The following SESTD1 variants were observed in gnomAD, a reference collection of about 807,000 sequenced individuals.
SESTD1 encodes the protein SEC14 domain and spectrin repeat-containing protein 1.
In SESTD1, 43 loss-of-function variants were observed where a neutral mutation model predicts 101.7. The observed-to-expected ratio is 0.42, with a 90% CI of 0.33 to 0.55. The LOEUF is 0.55. SESTD1 is among the 20% of genes least tolerant of loss of function. The probability of loss-of-function intolerance (pLI) is 0.07; values close to 1 mark genes in which losing one functional copy is unlikely to be tolerated. For synonymous variants in SESTD1, 283 were observed against 286.8 expected, an observed-to-expected ratio of 0.99 and a Z score of 0.13; for missense variants, 647 against 815.1, an observed-to-expected ratio of 0.79 and a Z score of 2.51.
intron 1 of SESTD1, among the ~76,000 whole-genome samples, chr2:179,210,143 A>G (rs1248157989): frequency 7.4e-6 from 1 of 134,476 alleles, no homozygotes; most frequent in Non-Finnish European, 1.6e-5. Flanking sequence ...AACCAGGAAG[A>G]AAGAAAAACT....
intron 1 of SESTD1, among the ~76,000 whole-genome samples, chr2:179,199,275 T>C (rs1044171744): frequency 6.6e-6 from 1 of 152,076 alleles, no homozygotes; most frequent in African/African-American, 2.4e-5. Flanking sequence ...AATCTCTGAA[T>C]AGACCAATAA....
At position 179,107,881 on chromosome 2, in the gene SESTD1, T is replaced by C. The variant is rs955628687; in HGVS notation, c.*2018A>G. 1 of 152,078 alleles carries C rather than the reference T, an allele frequency of 6.6e-6. No individual in the cohort carries two copies. The highest frequency in any genetic ancestry group is 6.6e-5 in the Admixed American group (1 of 15,258). 9.4% of individuals were successfully genotyped at this position (152,078 alleles called of 1,614,324 possible). A position where few individuals can be genotyped will look rare whatever the true frequency, so the allele number is the denominator to read the frequency against. ...AAATAATCACAAAAGTTCATACTCA[T>C]AGCAGTAAAGCCCCAAAGGACTGAG... On this transcript the variant is annotated 3_prime_UTR_variant, in exon 18 of 18. Transcript: ENST00000428443.
rs980668072 is a variant in SESTD1 at position 179,109,717 on chromosome 2, G to C, written c.*182C>G. 2 of 666,002 alleles carry C rather than the reference G, an allele frequency of 3.0e-6. No individual in the cohort carries two copies. The highest frequency in any genetic ancestry group is 6.0e-5 in the Admixed American group (2 of 33,192). 41.3% of individuals were successfully genotyped at this position (666,002 alleles called of 1,614,324 possible). A position where few individuals can be genotyped will look rare whatever the true frequency, so the allele number is the denominator to read the frequency against. ...GATACTTGGAATCTACAGCCTCGAA[G>C]CATGTTAAGTAATTATGCCTTGGTA... is the stretch of plus-strand genomic sequence containing the variant. On this transcript the variant is annotated 3_prime_UTR_variant, in exon 18 of 18. Coordinates refer to ENST00000428443, the MANE Select transcript of SESTD1 (RefSeq NM_178123.5).
In SESTD1 at chr2:179,109,895, G is replaced by C. The variant is rs1250918072; in HGVS notation, c.*4C>G. On this transcript the variant is annotated 3_prime_UTR_variant, in exon 18 of 18. Transcript: ENST00000428443. ...ACTGCAAATCTGTAGGTAGCTGGTA[G>C]CTATTAGCTCTCTGTGGTCACCATT... is the stretch of plus-strand genomic sequence containing the variant. 4 of 1,613,372 alleles carry C rather than the reference G, an allele frequency of 2.5e-6. No individual in the cohort carries two copies. The Admixed American group carries it at 6.7e-5, about 27-fold the overall frequency.
At chr2:179,165,015 T>A (rs1253451709) in intron 5 of SESTD1, among the ~76,000 whole-genome samples, 1 of 152,146 alleles carries the variant, frequency 6.6e-6, no homozygotes, top group Non-Finnish European at 1.5e-5. Flanking sequence ...AGAAAAATAA[T>A]TTGCAATTAA....
rs1029303365 is a variant in SESTD1, at chr2:179,112,754, C to T, written c.1931G>A (p.Arg644Lys). 6 of 1,612,824 alleles carry T rather than the reference C, an allele frequency of 3.7e-6. No individual in the cohort carries two copies. The highest frequency in any genetic ancestry group is 1.3e-5 in the African/African-American group (1 of 75,012). ...IEAVGKSLLD[R>K]LTVPVVYPDG... Reference sequence around the variant, plus strand: ...AGGATAAACTACTGGAACAGTTAATCTATCCAAAAGTGATTTCCCAACTGC... The same window carrying T: ...AGGATAAACTACTGGAACAGTTAATTTATCCAAAAGTGATTTCCCAACTGC... The change falls in exon 17 of 18, where the codon AGA becomes AAA. Residue 644 changes from arginine to lysine, a missense_variant. Arg to Lys is a conservative substitution (Grantham distance 26, BLOSUM62 2). Transcript: ENST00000428443.
At chr2:179,195,891 T>C (rs928373829) in intron 1 of SESTD1, among the ~76,000 whole-genome samples, 7 of 150,398 alleles carry the variant, frequency 4.7e-5, no homozygotes, top group Non-Finnish European at 8.9e-5. Context: ...AAATCTCGTA[T>C]GGTAAATTCT....
chr2:179,174,889 C>CA (rs2045984357), intron 4 of SESTD1, among the ~76,000 whole-genome samples: 1 of 148,522 alleles, frequency 6.7e-6, no homozygotes, highest in African/African-American at 2.5e-5. Context: ...CTGGAGGCTT[C>CA]AGTAAGCCAT....
At chr2:179,155,234 A>G (rs542769623) in intron 5 of SESTD1, among the ~76,000 whole-genome samples, 122 of 151,950 alleles carry the variant, frequency 8.0e-4, no homozygotes, top group Non-Finnish European at 6.9e-4. Context: ...TTTTTTTGGG[A>G]TCCACAGAAA....
chr2:179,233,434 T>G (rs1006474656), intron 1 of SESTD1, among the ~76,000 whole-genome samples: 1 of 151,966 alleles, frequency 6.6e-6, no homozygotes, highest in African/African-American at 2.4e-5. Context: ...CAGGAATATG[T>G]CTTCATAGTT....
chr2:179,244,900 C>T (rs1043879747), intron 1 of SESTD1, among the ~76,000 whole-genome samples: 2 of 152,052 alleles, frequency 1.3e-5, no homozygotes, highest in African/African-American at 4.8e-5. Flanking sequence ...GGTAAAGAGC[C>T]ATAAAGGAGG....
chr2:179,229,782 T>TACACAC (rs141203169), intron 1 of SESTD1, among the ~76,000 whole-genome samples: 3,793 of 115,000 alleles, frequency 0.033, 103 homozygotes, highest in African/African-American at 0.062. Flanking sequence ...TATACTCAAA[T>TACACAC]ACACACACAC....
intron 15 of SESTD1, 70 bp downstream of exon 15, chr2:179,116,587 GAAGGTAAAGTT>G (rs1404439027): frequency 6.3e-7 from 1 of 1,599,024 alleles, no homozygotes; most frequent in Non-Finnish European, 8.6e-7. Flanking sequence ...CTTGTACTTG[GAAGGTAAAGTT>G]ACATTATAAT....
intron 1 of SESTD1, among the ~76,000 whole-genome samples, chr2:179,244,688 G>A (rs889190716): frequency 3.3e-5 from 5 of 152,098 alleles, no homozygotes; most frequent in African/African-American, 9.7e-5. Flanking sequence ...TAAATAGAAA[G>A]ATAATGGTAA....
At chr2:179,165,329 T>C (rs1487148578) in intron 5 of SESTD1, among the ~76,000 whole-genome samples, 2 of 152,204 alleles carry the variant, frequency 1.3e-5, no homozygotes, top group African/African-American at 4.8e-5. Context: ...TTCTATTTTA[T>C]CCTCCAAGAT....
At chr2:179,198,267 T>C (rs566443302) in intron 1 of SESTD1, among the ~76,000 whole-genome samples, 73 of 152,284 alleles carry the variant, frequency 4.8e-4, no homozygotes, top group African/African-American at 1.6e-3. Flanking sequence ...TTCCTAAATA[T>C]ATATGCACCC....
chr2:179,148,843 G>A (rs1011603726), intron 7 of SESTD1, among the ~76,000 whole-genome samples: 2 of 151,958 alleles, frequency 1.3e-5, no homozygotes, highest in African/African-American at 4.8e-5. Flanking sequence ...GGCAGATCAC[G>A]AGGTCAGGAG....
At position 179,115,147 on chromosome 2, in the gene SESTD1, A is replaced by G. The variant is rs138591094; in HGVS notation, c.1757T>C (p.Val586Ala). The change falls in exon 16 of 18, where the codon GTA (valine) becomes GCA (alanine). Residue 586 changes from valine to alanine, a missense_variant. This residue lies in a region of SESTD1 where 476 missense variants were observed against 562.6 expected (regional missense o/e 0.85). Transcript: ENST00000428443. The stretch of plus-strand genomic sequence containing the variant: ...AGATGCTATTGTAAATTGTTTCCAT[A>G]CTCTGTTCAGTCGAGGAAGTGTATC... ...SGDTLPRLNR[V>A]WKQFTIASEE... 2.4e-5 allele frequency: 39 copies of G among 1,613,892 alleles called. No homozygotes were observed. In the African/African-American group the frequency reaches 4.9e-4, roughly 20 times the overall value.
At chr2:179,256,919 T>C (rs1049241970) in intron 1 of SESTD1, among the ~76,000 whole-genome samples, 2 of 151,730 alleles carry the variant, frequency 1.3e-5, no homozygotes, top group African/African-American at 2.4e-5. Context: ...GCCATAAACA[T>C]TGTTCAAATG....
Sources: allele counts gnomAD v4.1 joint callset (sites outside exome capture counted in the v4.1 genomes callset), GRCh38; gene constraint gnomAD v4.1.1; regional missense constraint gnomAD v4.1.1; transcripts MANE v1.5; gene names NCBI Gene and HGNC (gene_info 2026-07-23, HGNC 2026-07-21).